The following MATN2 variants were observed in gnomAD, a reference collection of about 807,000 sequenced individuals.
MATN2 encodes the protein matrilin-2.
MATN2 carries 69 observed loss-of-function variants against 103.2 expected under a neutral mutation model. The ratio of observed to expected loss-of-function variants is 0.67; its 90% confidence interval spans 0.55 to 0.82. The LOEUF (loss-of-function observed/expected upper bound fraction) is 0.82, where lower values mean the gene tolerates loss of function less well. Among genes scored for constraint, MATN2 ranks in the 40% least tolerant of loss-of-function variants. The pLI is 0.00. For missense variants in MATN2, 1,023 were observed against 1,211.5 expected (o/e 0.84, Z 2.31); for synonymous variants, 429 against 450.2 (o/e 0.95, Z 0.60).
At chr8:97,914,753 G>A (rs921107853) in intron 2 of MATN2, among the ~76,000 whole-genome samples, 2 of 152,154 alleles carry the variant, frequency 1.3e-5, no homozygotes, top group African/African-American at 4.8e-5. Context: ...CACATCACCT[G>A]TGGTTACCTG....
At chr8:97,910,019 G>A (rs1347269490) in intron 2 of MATN2, among the ~76,000 whole-genome samples, 6 of 151,340 alleles carry the variant, frequency 4.0e-5, no homozygotes, top group Non-Finnish European at 8.8e-5. Context: ...TCCTGACCTC[G>A]TGATCCGCTC....
chr8:97,898,408 C>T (rs957968757), intron 2 of MATN2, among the ~76,000 whole-genome samples: 5 of 151,998 alleles, frequency 3.3e-5, no homozygotes, highest in Non-Finnish European at 2.9e-5. Context: ...CCAGCCTGGC[C>T]AACATGGTGA....
chr8:98,030,597 A>G lies in MATN2; in HGVS notation c.2492A>G (p.Lys831Arg). The change falls in exon 15 of 19, where the codon AAG (lysine) becomes AGG (arginine). Residue 831 changes from lysine (K) to arginine (R), a missense_variant. By Grantham distance (26) the Lys-to-Arg change is conservative. Transcript: ENST00000254898. ...ATGGATGAGATAAGTGAAAAACTCA[A>G]GAAAGGCATCTGTGAAGGTACTATA... is the stretch of plus-strand genomic sequence containing the variant. ...STMDEISEKL[K>R]KGICEALEDS... The G allele has an allele frequency of 6.2e-7, 1 of 1,613,984 alleles. No individual in the cohort carries two copies. The highest frequency in any genetic ancestry group is 8.5e-7 in the Non-Finnish European group (1 of 1,179,886).
intron 7 of MATN2, 130 bp from the exon 8 acceptor site, chr8:98,003,531 G>A (rs553161019): frequency 2.2e-5 from 21 of 942,516 alleles, no homozygotes; most frequent in South Asian, 6.1e-5. Context: ...TGAATGATCC[G>A]TCCCGGCTTG....
chr8:97,888,318 A>G (rs1412847758), intron 2 of MATN2, 76 bp downstream of exon 2: 2 of 1,366,902 alleles, frequency 1.5e-6, no homozygotes, highest in Non-Finnish European at 1.9e-6. Context: ...GGGATTGGTG[A>G]CTGTTTGAGA....
At chr8:98,009,112 G>A (rs1176228683) in intron 10 of MATN2, among the ~76,000 whole-genome samples, 1 of 152,210 alleles carries the variant, frequency 6.6e-6, no homozygotes, top group African/African-American at 2.4e-5. Flanking sequence ...TTTATATGTG[G>A]TTGTATCTAG....
chr8:97,887,729 CT>C (rs955587433), intron 1 of MATN2: 32 of 159,708 alleles, frequency 2.0e-4, no homozygotes, highest in African/African-American at 5.3e-4. Flanking sequence ...TATGTAATAG[CT>C]TTTTTTTATT....
At chr8:97,921,423 T>C (rs1809802959) in intron 2 of MATN2, among the ~76,000 whole-genome samples, 1 of 152,186 alleles carries the variant, frequency 6.6e-6, no homozygotes, top group Non-Finnish European at 1.5e-5. Flanking sequence ...CATTCTACAG[T>C]GTCAGGCCTC....
At chr8:98,030,788 G>A (rs775282695) in intron 15 of MATN2, among the ~76,000 whole-genome samples, 174 bp downstream of exon 15, 9 of 151,834 alleles carry the variant, frequency 5.9e-5, no homozygotes, top group Non-Finnish European at 1.2e-4. Flanking sequence ...TCAGCCTCCC[G>A]AGAAGCTGGG....
intron 1 of MATN2, among the ~76,000 whole-genome samples, chr8:97,882,182 C>T (rs1818280517): frequency 6.6e-6 from 1 of 151,694 alleles, no homozygotes; most frequent in Admixed American, 6.6e-5. Flanking sequence ...CCTCAGCTTC[C>T]CAAAGTGCTG....
intron 1 of MATN2, among the ~76,000 whole-genome samples, chr8:97,875,625 C>T (rs1284236009): frequency 2.7e-5 from 4 of 150,284 alleles, no homozygotes; most frequent in African/African-American, 4.9e-5. Flanking sequence ...TTAATTTTGT[C>T]TGCTTTATCT....
chr8:97,927,698 T>G (rs1810032112), intron 2 of MATN2, among the ~76,000 whole-genome samples: 1 of 152,206 alleles, frequency 6.6e-6, no homozygotes, highest in African/African-American at 2.4e-5. Context: ...TGTGGCGTTT[T>G]TGTACATGTG....
chr8:97,892,587 G>C (rs557989679), intron 2 of MATN2, among the ~76,000 whole-genome samples: 1 of 152,252 alleles, frequency 6.6e-6, no homozygotes, highest in Non-Finnish European at 1.5e-5. Flanking sequence ...AGTTGGAAAA[G>C]GGAAGAGCAT....
intron 2 of MATN2, among the ~76,000 whole-genome samples, chr8:97,891,146 G>A (rs1218326019): frequency 6.6e-6 from 1 of 152,054 alleles, no homozygotes; most frequent in African/African-American, 2.4e-5. Flanking sequence ...ACCATCAGGA[G>A]GTGCACAGAG....
intron 6 of MATN2, among the ~76,000 whole-genome samples, chr8:97,988,295 A>G (rs1323337638): frequency 6.6e-6 from 1 of 150,768 alleles, no homozygotes; most frequent in African/African-American, 2.5e-5. Context: ...GAAATGGACA[A>G]ATTCCTTGAA....
At chr8:97,930,752 A>G (rs1810154007) in intron 2 of MATN2, among the ~76,000 whole-genome samples, 1 of 152,108 alleles carries the variant, frequency 6.6e-6, no homozygotes, top group Admixed American at 6.5e-5. Flanking sequence ...CCTCTCGAGT[A>G]GCTGGGAATA....
intron 10 of MATN2, among the ~76,000 whole-genome samples, chr8:98,013,951 A>T (rs1813271155): frequency 6.6e-6 from 1 of 152,140 alleles, no homozygotes; most frequent in South Asian, 2.1e-4. Flanking sequence ...TCAACAAAAA[A>T]TATGAAAATT....
intron 7 of MATN2, among the ~76,000 whole-genome samples, chr8:97,996,881 T>C (rs1367349444): frequency 6.6e-6 from 1 of 152,114 alleles, no homozygotes; most frequent in Non-Finnish European, 1.5e-5. Context: ...TAATAGGAGG[T>C]TGATGGATGT....
At chr8:97,959,838 A>G (rs1811249926) in intron 4 of MATN2, among the ~76,000 whole-genome samples, 1 of 152,246 alleles carries the variant, frequency 6.6e-6, no homozygotes, top group Non-Finnish European at 1.5e-5. Context: ...TAAAAGCATA[A>G]TAAACTATGA....
Sources: gnomAD v4.1 joint callset for allele counts (sites outside exome capture counted in the v4.1 genomes callset) on GRCh38, gnomAD v4.1.1 for gene constraint, MANE v1.5 for transcripts, NCBI Gene and HGNC (gene_info 2026-07-23, HGNC 2026-07-21) for gene names.